NCAN: variants seen among roughly 807,000 people sequenced by gnomAD.
NCAN encodes the protein neurocan, also known as neurocan core protein.
NCAN carries 47 observed loss-of-function variants against 121.8 expected under a neutral mutation model. The observed-to-expected ratio is 0.39, with a 90% CI of 0.31 to 0.49. The LOEUF (loss-of-function observed/expected upper bound fraction) is 0.49, where lower values mean the gene tolerates loss of function less well. NCAN is among the 20% of genes least tolerant of loss of function. The pLI is 0.92. For missense variants in NCAN, 1,517 were observed against 1,773.4 expected (o/e 0.86, Z 2.60); for synonymous variants, 633 against 702.0 (o/e 0.90, Z 1.55).
intron 14 of NCAN, 122 bp downstream of exon 14, chr19:19,249,004 G>C: frequency 1.9e-6 from 2 of 1,051,730 alleles, no homozygotes; most frequent in African/African-American, 3.2e-5. Context: ...CAGCCTTGCA[G>C]ATAAGTGAGA....
intron 12 of NCAN, among the ~76,000 whole-genome samples, chr19:19,243,116 A>T (rs545898238): frequency 6.6e-6 from 1 of 152,066 alleles, no homozygotes; most frequent in Non-Finnish European, 1.5e-5. Context: ...AGAGTAGGCA[A>T]ATTTAGAGAC....
intron 4 of NCAN, 31 bp from the exon 5 acceptor site, chr19:19,224,275 T>G (rs772590841): frequency 6.2e-6 from 10 of 1,607,002 alleles, no homozygotes. Context: ...GGAGCACACA[T>G]CTGAGAGGGA....
intron 3 of NCAN, 146 bp from the exon 4 acceptor site, chr19:19,223,875 G>C: frequency 1.5e-6 from 1 of 669,810 alleles, no homozygotes; most frequent in East Asian, 3.1e-5. Context: ...TATGGATCTT[G>C]CTCCCCACCC....
In NCAN at chr19:19,219,217, C is replaced by T; in HGVS notation, c.376C>T (p.Leu126Phe). Reference protein sequence around the residue: ...YPRRRANATLLLGPLRASDSG... With the variant: ...YPRRRANATLFLGPLRASDSG... ...CCGGCGCCGAGCCAACGCCACGCTA[C>T]TTCTGGGGCCACTGAGGGCCAGTGA... The change falls in exon 3 of 15, where the codon CTT becomes TTT. Residue 126 changes from leucine (L) to phenylalanine (F), a missense_variant. By Grantham distance (22) the Leu-to-Phe change is conservative (BLOSUM62 0). Transcript: ENST00000252575. 1 of 1,609,090 alleles carries T rather than the reference C, an allele frequency of 6.2e-7. No homozygotes were observed. The highest frequency in any genetic ancestry group is 8.5e-7 in the Non-Finnish European group (1 of 1,179,808).
Position 19,225,200 on chromosome 19 carries a change from C to G in NCAN, c.1002C>G (p.Thr334=). ...GGGGCCCAGCCCCGGGCGTGCGCACCGTCTACCGCTTCGCTAACCGGACCG... is the reference window on the plus strand; with the variant it reads ...GGGGCCCAGCCCCGGGCGTGCGCACGGTCTACCGCTTCGCTAACCGGACCG... The part of the protein sequence containing the change: ...RCGGPAPGVR[T]VYRFANRTGF... The change falls in exon 6 of 15, where the codon ACC becomes ACG. Residue 334 remains threonine (T), a synonymous_variant. Transcript: ENST00000252575. The surrounding 1 kb of genome is among the most constrained non-coding windows in gnomAD (Gnocchi z 4.0). The G allele has an allele frequency of 6.4e-7, 1 of 1,565,202 alleles. No individual in the cohort carries two copies. The highest frequency in any genetic ancestry group is 8.6e-7 in the Non-Finnish European group (1 of 1,166,372).
chr19:19,246,473 A>G (rs1424529482), intron 13 of NCAN, among the ~76,000 whole-genome samples: 3 of 152,072 alleles, frequency 2.0e-5, no homozygotes, highest in Admixed American at 1.3e-4. Context: ...CTAAGTGGGG[A>G]AAAATAGTAT....
At chr19:19,235,609 G>A (rs561428228) in intron 10 of NCAN, among the ~76,000 whole-genome samples, 39 of 148,356 alleles carry the variant, frequency 2.6e-4, no homozygotes, top group Non-Finnish European at 3.9e-4. Flanking sequence ...ACAGAGTCTC[G>A]CTCTGTCACC....
intron 12 of NCAN, among the ~76,000 whole-genome samples, chr19:19,244,963 C>T (rs937156618): frequency 2.6e-5 from 4 of 151,124 alleles, no homozygotes; most frequent in African/African-American, 7.3e-5. Context: ...CCGCCCACCT[C>T]GGCCTCCCAG....
intron 8 of NCAN, among the ~76,000 whole-genome samples, chr19:19,230,126 C>T (rs2060852664): frequency 6.6e-6 from 1 of 150,636 alleles, no homozygotes; most frequent in Non-Finnish European, 1.5e-5. Context: ...CGCACTGCAA[C>T]CTCCGCCTCC....
At chr19:19,238,777 G>A (rs1202981282) in intron 11 of NCAN, 2 of 347,734 alleles carry the variant, frequency 5.8e-6, no homozygotes, top group African/African-American at 4.3e-5. Flanking sequence ...AAGTAAATAA[G>A]TCTATACTGT....
intron 3 of NCAN, among the ~76,000 whole-genome samples, chr19:19,222,129 A>G (rs541627023): frequency 6.6e-6 from 1 of 152,154 alleles, no homozygotes; most frequent in Non-Finnish European, 1.5e-5. Context: ...GTCTTACCAC[A>G]TAGTTTATGG....
At chr19:19,217,879 C>T (rs575985032) in intron 2 of NCAN, among the ~76,000 whole-genome samples, 24 of 151,004 alleles carry the variant, frequency 1.6e-4, no homozygotes, top group African/African-American at 5.4e-4. Context: ...CCCATCTTCT[C>T]GGGAGGCTGA....
In NCAN at chr19:19,219,064, C is replaced by T. The variant is rs373921518; in HGVS notation, c.223C>T (p.Arg75Trp). The change falls in exon 3 of 15, where the codon CGG (arginine) becomes TGG (tryptophan). Residue 75 changes from arginine (R) to tryptophan (W), a missense_variant. By Grantham distance (101) the Arg-to-Trp change is moderately radical (BLOSUM62 -3). Transcript: ENST00000252575. ...PRPSAARDAP[R>W]IKWTKVRTAS... ...GCCAAGCGCAGCCCGAGATGCCCCT[C>T]GGATAAAGTGGACCAAGGTGCGGAC... 7.5e-5 allele frequency: 121 copies of T among 1,612,262 alleles called. No homozygotes were observed. Among genetic ancestry groups the T allele is most frequent in the Middle Eastern group, 1.6e-4 (1 of 6,072 alleles).
Position 19,228,234 on chromosome 19 carries a change from C to G in NCAN, c.2614C>G (p.Pro872Ala), listed in dbSNP as rs1284582050. 2 of 1,613,784 alleles carry G rather than the reference C, an allele frequency of 1.2e-6. No homozygotes were observed. The highest frequency in any genetic ancestry group is 1.3e-5 in the African/African-American group (1 of 74,890). ...GGCCCTGGATACAAGCATTGTGACG[C>G]CCCTCACGACCCTGGAGCAGGGGGA... ...QVALDTSIVT[P>A]LTTLEQGDKV... Residue 872 changes from proline to alanine, a missense_variant, in exon 8 of 15, where the codon CCC (proline) becomes GCC (alanine). Coordinates refer to ENST00000252575, the MANE Select transcript of NCAN (RefSeq NM_004386.3).
At position 19,225,917 on chromosome 19, in the gene NCAN, A is replaced by C. The variant is rs1198474246; in HGVS notation, c.1073-569A>C. 1.3e-5 allele frequency among the ~76,000 whole-genome samples: 2 copies of C among 152,100 alleles called. No individual in the cohort carries two copies. The highest frequency in any genetic ancestry group is 2.9e-5 in the Non-Finnish European group (2 of 68,014). On this transcript the variant is annotated intron_variant, in intron 6 of 14. Transcript: ENST00000252575. This position sits in a 1 kb window ranked among gnomAD's most constrained non-coding sequence, Gnocchi z 4.0. The stretch of plus-strand genomic sequence containing the variant: ...GGACACTACCTGAGCTTTGCCCATG[A>C]GCCAAATTGTCTTTTTTTCTTTTTT...
chr19:19,214,886 GA>G (rs2060790841), intron 1 of NCAN, among the ~76,000 whole-genome samples: 1 of 152,114 alleles, frequency 6.6e-6, no homozygotes. Context: ...GCCATGAGGG[GA>G]CCCCACACTT....
Position 19,224,491 on chromosome 19 carries a change from C to T in NCAN, c.778+58C>T, listed in dbSNP as rs2060828019. On this transcript the variant is annotated intron_variant, in intron 5 of 14. Transcript: ENST00000252575. ...CGCCTCTCTTTGAGTATCTATTATT[C>T]TCCCCAACTCCCATCCTCCGGGGTC... The T allele has an allele frequency of 4.4e-6, 7 of 1,574,056 alleles. No homozygotes were observed. In the South Asian group the frequency reaches 5.7e-5, roughly 13 times the overall value.
At position 19,216,774 on chromosome 19, in the gene NCAN, C is replaced by T. The variant is rs572858261; in HGVS notation, c.-7-173C>T. Among the ~76,000 whole-genome samples, 19 of 152,324 alleles carry T rather than the reference C, an allele frequency of 1.2e-4. No individual in the cohort carries two copies. The East Asian group carries it at 1.7e-3, about 14-fold the overall frequency. Reference sequence around the variant, plus strand: ...TTCTGAGGTCAAGTGGCCCTGGGTTCGAATTCTGGCTCAGCCCTTTGCTGG... The same window carrying T: ...TTCTGAGGTCAAGTGGCCCTGGGTTTGAATTCTGGCTCAGCCCTTTGCTGG... On this transcript the variant is annotated intron_variant, in intron 1 of 14. Transcript: ENST00000252575.
intron 12 of NCAN, among the ~76,000 whole-genome samples, chr19:19,244,278 G>A (rs925501055): frequency 1.3e-5 from 2 of 150,168 alleles, no homozygotes; most frequent in Non-Finnish European, 2.9e-5. Context: ...CCTTTGCTAG[G>A]AATGCTGTTC....
Sources: allele counts gnomAD v4.1 joint callset (sites outside exome capture counted in the v4.1 genomes callset), GRCh38; gene constraint gnomAD v4.1.1; non-coding constraint Gnocchi (gnomAD v3.1); transcripts MANE v1.5; gene names NCBI Gene and HGNC (gene_info 2026-07-23, HGNC 2026-07-21).